The following ARSB variants were observed in gnomAD, a reference collection of about 807,000 sequenced individuals.
The protein encoded by ARSB is arylsulfatase B.
ARSB carries 41 observed loss-of-function variants against 50.9 expected under a neutral mutation model. That is an observed-to-expected ratio of 0.81 (90% CI 0.63 to 1.04). The LOEUF (loss-of-function observed/expected upper bound fraction) is 1.04, where lower values mean the gene tolerates loss of function less well. Ranked by LOEUF, ARSB falls within the 50% of genes least tolerant of loss-of-function variation. The pLI is 0.00. For synonymous variants in ARSB, 269 were observed against 284.8 expected (o/e 0.94, Z 0.56); for missense variants, 672 against 693.3 (o/e 0.97, Z 0.35).
chr5:78,979,499 C>T (rs1056483257), intron 1 of ARSB, among the ~76,000 whole-genome samples: 5 of 152,190 alleles, frequency 3.3e-5, no homozygotes, highest in African/African-American at 1.2e-4. Context: ...GGGTCCCTGG[C>T]AAAACTCCAG....
intron 6 of ARSB, among the ~76,000 whole-genome samples, chr5:78,794,121 G>T (rs530823553): frequency 6.6e-6 from 1 of 152,208 alleles, no homozygotes; most frequent in South Asian, 2.1e-4. Context: ...CCACACTGCT[G>T]GAATCAATCT....
At chr5:78,917,765 G>A (rs973781032) in intron 4 of ARSB, among the ~76,000 whole-genome samples, 7 of 152,098 alleles carry the variant, frequency 4.6e-5, no homozygotes, top group Admixed American at 6.6e-5. Flanking sequence ...CACCCACCTC[G>A]GCCTCCCAAA....
At chr5:78,875,672 TTA>T (rs1250040493) in intron 5 of ARSB, among the ~76,000 whole-genome samples, 3 of 138,638 alleles carry the variant, frequency 2.2e-5, no homozygotes, top group African/African-American at 3.1e-5. Flanking sequence ...TATATTATTA[TTA>T]TTTTTTTTTT....
intron 4 of ARSB, among the ~76,000 whole-genome samples, chr5:78,891,221 C>T (rs2112233771): frequency 6.6e-6 from 1 of 152,256 alleles, no homozygotes; most frequent in African/African-American, 2.4e-5. Flanking sequence ...AAGCCTTTGT[C>T]CAGCTACTCT....
intron 4 of ARSB, among the ~76,000 whole-genome samples, chr5:78,912,459 C>T (rs1468328802): frequency 2.0e-5 from 3 of 152,214 alleles, no homozygotes; most frequent in Non-Finnish European, 4.4e-5. Flanking sequence ...ATTTTAAAAG[C>T]TGTGTCTTCC....
chr5:78,832,982 G>A (rs1368265314), intron 6 of ARSB, among the ~76,000 whole-genome samples: 3 of 152,140 alleles, frequency 2.0e-5, no homozygotes, highest in African/African-American at 7.2e-5. Flanking sequence ...AGTGAGTCGT[G>A]GTCTCAGATG....
chr5:78,835,362 T>G (rs1744904754), intron 6 of ARSB, among the ~76,000 whole-genome samples: 1 of 152,100 alleles, frequency 6.6e-6, no homozygotes, highest in South Asian at 2.1e-4. Flanking sequence ...AGAGGCCAGC[T>G]TCTGGGAGCA....
At chr5:78,923,988 T>C (rs548312829) in intron 4 of ARSB, among the ~76,000 whole-genome samples, 8 of 152,284 alleles carry the variant, frequency 5.3e-5, no homozygotes, top group East Asian at 3.9e-4. Context: ...TCTGTCCACA[T>C]AGCATGGCTG....
intron 5 of ARSB, among the ~76,000 whole-genome samples, chr5:78,871,298 A>G (rs1747157931): frequency 6.6e-6 from 1 of 152,238 alleles, no homozygotes; most frequent in African/African-American, 2.4e-5. Context: ...CTTTCTTCAC[A>G]GAATTGGAAA....
chr5:78,882,775 A>ATTTTTTTT (rs71001134), intron 5 of ARSB: 1 of 75,762 alleles, frequency 1.3e-5, no homozygotes, highest in Non-Finnish European at 2.4e-5. Flanking sequence ...GATTTGAGTG[A>ATTTTTTTT]TTTTTTTTTT....
intron 5 of ARSB, among the ~76,000 whole-genome samples, chr5:78,841,788 G>A (rs900860709): frequency 2.4e-4 from 36 of 152,004 alleles, no homozygotes; most frequent in African/African-American, 7.7e-4. Flanking sequence ...GAAACCAAGC[G>A]TTGTGTATAA....
intron 5 of ARSB, among the ~76,000 whole-genome samples, chr5:78,844,943 T>C (rs1561453833): frequency 1.3e-5 from 2 of 152,140 alleles, no homozygotes; most frequent in Non-Finnish European, 1.5e-5. Context: ...TTGTTAATGA[T>C]AGTCACCCTA....
chr5:78,933,951 TGAG>T (rs1269805065), intron 4 of ARSB, among the ~76,000 whole-genome samples: 1 of 152,046 alleles, frequency 6.6e-6, no homozygotes, highest in Non-Finnish European at 1.5e-5. Context: ...ATTCAAAACA[TGAG>T]GAGGACTCAA....
Position 78,985,122 on chromosome 5 carries a change from G to A in ARSB, c.127C>T (p.Arg43Trp), listed in dbSNP as rs1241910107. 2 of 1,482,708 alleles carry A rather than the reference G, an allele frequency of 1.3e-6. No individual in the cohort carries two copies. The highest frequency in any genetic ancestry group is 2.3e-5 in the Admixed American group (1 of 44,086). The allele number at this position is 1,482,708 out of a possible 1,614,324, so 91.8% of individuals were successfully genotyped here. The change falls in exon 1 of 8, where the codon CGG becomes TGG. Residue 43 changes from arginine to tryptophan, a missense_variant. Physicochemically the swap from Arg to Trp is moderately radical, Grantham distance 101. Coordinates refer to ENST00000264914, the MANE Select transcript of ARSB (RefSeq NM_000046.5). ...AGCAAGAAGACCAGGTGGGGCGGCC[G>A]GCTGGCCCCGGCGCCCGAGCCCGGC... is the stretch of plus-strand genomic sequence containing the variant. The part of the protein sequence containing the change: ...APPGSGAGAS[R>W]PPHLVFLLAD...
chr5:78,872,248 G>C (rs943369333), intron 5 of ARSB, among the ~76,000 whole-genome samples: 1 of 151,630 alleles, frequency 6.6e-6, no homozygotes, highest in South Asian at 2.1e-4. Context: ...CATTGTGGAA[G>C]TCAGTGTGGC....
intron 3 of ARSB, among the ~76,000 whole-genome samples, chr5:78,957,500 A>G (rs1751782903): frequency 6.6e-6 from 1 of 152,242 alleles, no homozygotes; most frequent in South Asian, 2.1e-4. Context: ...TCGTTGCTTT[A>G]AAACCTATTA....
rs895147155 is a variant in ARSB, at chr5:78,778,777, C to T, written c.*1620G>A. 6.6e-6 allele frequency: 1 copy of T among 152,224 alleles called. No homozygotes were observed. The highest frequency in any genetic ancestry group is 1.5e-5 in the Non-Finnish European group (1 of 68,046). 9.4% of individuals were successfully genotyped at this position (152,224 alleles called of 1,614,324 possible). A position where few individuals can be genotyped will look rare whatever the true frequency, so the allele number is the denominator to read the frequency against. Reference sequence around the variant, plus strand: ...GTGACTCATGCCTGTAATCCCAGCACTTTTGGAGCCCAAGCTGGGATAATT... The same window carrying T: ...GTGACTCATGCCTGTAATCCCAGCATTTTTGGAGCCCAAGCTGGGATAATT... On this transcript the variant is annotated 3_prime_UTR_variant, in exon 8 of 8. Coordinates refer to ENST00000264914, the MANE Select transcript of ARSB (RefSeq NM_000046.5).
At chr5:78,950,266 A>T (rs921631503) in intron 4 of ARSB, among the ~76,000 whole-genome samples, 2 of 152,188 alleles carry the variant, frequency 1.3e-5, no homozygotes, top group African/African-American at 4.8e-5. Context: ...AGATGGACAG[A>T]CAGCTTATAA....
chr5:78,969,681 A>G (rs1028134330), intron 1 of ARSB, among the ~76,000 whole-genome samples: 1 of 152,128 alleles, frequency 6.6e-6, no homozygotes, highest in Non-Finnish European at 1.5e-5. Flanking sequence ...CAATGGCGCA[A>G]TCTTGGCTCA....
Sources: gnomAD v4.1 joint callset for allele counts (sites outside exome capture counted in the v4.1 genomes callset) on GRCh38, gnomAD v4.1.1 for gene constraint, MANE v1.5 for transcripts, NCBI Gene and HGNC (gene_info 2026-07-23, HGNC 2026-07-21) for gene names.